Variants in GRID2 observed in about 807,000 individuals in gnomAD.
The protein encoded by GRID2 is glutamate ionotropic receptor delta type subunit 2.
Under a neutral mutation model 114.8 loss-of-function variants are expected in GRID2, and 33 were observed. The observed-to-expected ratio is 0.29, with a 90% CI of 0.22 to 0.38. The LOEUF is 0.38. Among genes scored for constraint, GRID2 ranks in the 10% least tolerant of loss-of-function variants. The pLI is 1.00. For synonymous variants in GRID2, 505 were observed against 449.9 expected, an observed-to-expected ratio of 1.12 and a Z score of -1.55; for missense variants, 1,184 against 1,257.7, an observed-to-expected ratio of 0.94 and a Z score of 0.89.
At chr4:92,800,331 GA>G (rs780122156) in intron 2 of GRID2, among the ~76,000 whole-genome samples, 1 of 149,884 alleles carries the variant, frequency 6.7e-6, no homozygotes, top group Non-Finnish European at 1.5e-5. Context: ...AGGAAGGAAA[GA>G]AAAAAAAGAA....
In GRID2 at chr4:93,593,763, G is replaced by C. The variant is rs370655343; in HGVS notation, c.2194-32506G>C. Among the ~76,000 whole-genome samples the C allele has an allele frequency of 2.4e-4, 36 of 152,042 alleles. No individual in the cohort carries two copies. The East Asian group carries it at 3.5e-3, about 15-fold the overall frequency. On this transcript the variant is annotated intron_variant, in intron 13 of 15. Transcript: ENST00000282020. ...GAGGCTTTGCTCGTTTCTTTTTATT[G>C]TTTTTTCTCTAAACTTTCCTTCTCG...
Position 93,693,700 on chromosome 4 carries a change from AAACT to A in GRID2, c.2360+67268_2360+67271del, listed in dbSNP as rs200873617. ...TTAATACTGTATTGTTCTATGAAAC[AAACT>A]AAGAGATTTAATTTTCGCCATTAGT... is the stretch of plus-strand genomic sequence containing the variant. On this transcript the variant is annotated intron_variant, in intron 14 of 15. Coordinates refer to ENST00000282020, the MANE Select transcript of GRID2 (RefSeq NM_001510.4). Among the ~76,000 whole-genome samples, 17 of 152,296 alleles carry A rather than the reference AAACT, an allele frequency of 1.1e-4. No homozygotes were observed. The East Asian group carries it at 3.1e-3, about 28-fold the overall frequency.
At chr4:93,042,704 CAT>C (rs201662029) in intron 2 of GRID2, among the ~76,000 whole-genome samples, 7 of 134,696 alleles carry the variant, frequency 5.2e-5, no homozygotes, top group East Asian at 2.2e-4. Flanking sequence ...TATATATATG[CAT>C]ATATATATAG....
chr4:92,681,484 CTCA>C (rs2149284637), intron 2 of GRID2, among the ~76,000 whole-genome samples: 1 of 152,016 alleles, frequency 6.6e-6, no homozygotes, highest in African/African-American at 2.4e-5. Context: ...AGGGCATGAA[CTCA>C]TCATTTTTTA....
intron 8 of GRID2, among the ~76,000 whole-genome samples, chr4:93,281,771 CATATATAGAGA>C (rs1206224897): frequency 2.0e-5 from 3 of 151,884 alleles, no homozygotes; most frequent in African/African-American, 7.3e-5. Flanking sequence ...AAACTTTGAC[CATATATAGAGA>C]AAGCTAGGAA....
intron 13 of GRID2, among the ~76,000 whole-genome samples, chr4:93,605,376 T>A (rs1245928924): frequency 1.3e-5 from 2 of 152,160 alleles, no homozygotes; most frequent in African/African-American, 4.8e-5. Flanking sequence ...CTGTGCTGAG[T>A]CATACCTACA....
chr4:92,331,937 G>A (rs180802347), intron 1 of GRID2, among the ~76,000 whole-genome samples: 16 of 152,260 alleles, frequency 1.1e-4, no homozygotes, highest in Non-Finnish European at 2.1e-4. Context: ...TGCTGCACTA[G>A]GAGTACAGCA....
chr4:93,572,539 A>G (rs919160813), intron 13 of GRID2, among the ~76,000 whole-genome samples: 4 of 152,116 alleles, frequency 2.6e-5, no homozygotes, highest in South Asian at 4.1e-4. Context: ...ATTTGATTAC[A>G]GTATATTAAA....
intron 13 of GRID2, among the ~76,000 whole-genome samples, chr4:93,578,118 C>G (rs185198770): frequency 3.9e-5 from 6 of 152,258 alleles, no homozygotes; most frequent in Non-Finnish European, 8.8e-5. Context: ...TCTGCTCTTC[C>G]GTGGTTTCAT....
rs544176315 is a variant in GRID2, at chr4:93,151,836, A to T, written c.735+40883A>T. Among the ~76,000 whole-genome samples, 10 of 152,220 alleles carry T rather than the reference A, an allele frequency of 6.6e-5. 1 individual carries two copies. In the South Asian group the frequency reaches 1.7e-3, roughly 25 times the overall value. On this transcript the variant is annotated intron_variant, in intron 4 of 15. Transcript: ENST00000282020. ...TTAATCCAATAATCACATTAAATGA[A>T]CTTGTTTTGTGTGTCTCGATGCACA...
chr4:93,607,940 A>G (rs932687357), intron 13 of GRID2, among the ~76,000 whole-genome samples: 1 of 151,348 alleles, frequency 6.6e-6, no homozygotes, highest in African/African-American at 2.4e-5. Flanking sequence ...CCATGTTCCA[A>G]TTTTTTCCAA....
intron 2 of GRID2, among the ~76,000 whole-genome samples, chr4:92,662,183 C>G (rs1256336637): frequency 6.6e-6 from 1 of 150,932 alleles, no homozygotes; most frequent in African/African-American, 2.4e-5. Context: ...CCAAATCAGA[C>G]AGGAACTATT....
At position 92,660,070 on chromosome 4, in the gene GRID2, G is replaced by A. The variant is rs543043448; in HGVS notation, c.244+69784G>A. The stretch of plus-strand genomic sequence containing the variant: ...TTTTCAGATGGTAGAGAATATCCAC[G>A]AAAATATCATTCTTCCCCCATTCAT... On this transcript the variant is annotated intron_variant, in intron 2 of 15. Coordinates refer to ENST00000282020, the MANE Select transcript of GRID2 (RefSeq NM_001510.4). 3.5e-4 allele frequency among the ~76,000 whole-genome samples: 53 copies of A among 151,406 alleles called. No homozygotes were observed. The East Asian group carries it at 7.4e-3, about 21-fold the overall frequency.
At position 93,224,707 on chromosome 4, in the gene GRID2, C is replaced by G. The variant is rs781512821; in HGVS notation, c.1057C>G (p.Leu353Val). The change falls in exon 7 of 16, where the codon CTG (leucine) becomes GTG (valine). Residue 353 changes from leucine to valine, a missense_variant. Coordinates refer to ENST00000282020, the MANE Select transcript of GRID2 (RefSeq NM_001510.4). ...CCGAAAGTGGCACAGCATGGCAAGT[C>G]TGTCATGTATCAGAAAGAACTCAAA... ...EDRKWHSMASLSCIRKNSKPW... is the reference protein window; with the variant it reads ...EDRKWHSMASVSCIRKNSKPW... 1.2e-5 allele frequency: 20 copies of G among 1,611,466 alleles called. No individual in the cohort carries two copies. Among genetic ancestry groups the G allele is most frequent in the Admixed American group, 1.7e-5 (1 of 59,894 alleles).
chr4:93,166,102 G>T (rs1738220739), intron 4 of GRID2: 1 of 152,132 alleles, frequency 6.6e-6, no homozygotes, highest in Admixed American at 6.6e-5. Context: ...ATAGCCTGCA[G>T]TCTTCATGAT....
chr4:92,421,994 G>A (rs1449487343), intron 1 of GRID2, among the ~76,000 whole-genome samples: 2 of 152,036 alleles, frequency 1.3e-5, no homozygotes, highest in African/African-American at 2.4e-5. Flanking sequence ...GGAAGTTCAG[G>A]AAAAATAATT....
At chr4:92,896,782 G>A (rs1353765803) in intron 2 of GRID2, among the ~76,000 whole-genome samples, 9 of 152,056 alleles carry the variant, frequency 5.9e-5, no homozygotes, top group South Asian at 2.1e-4. Flanking sequence ...TCGCTCTGTC[G>A]CCCAGGCTGG....
chr4:92,844,856 G>A (rs951261905), intron 2 of GRID2, among the ~76,000 whole-genome samples: 2 of 151,998 alleles, frequency 1.3e-5, no homozygotes, highest in Non-Finnish European at 2.9e-5. Flanking sequence ...ATTCTCAAGG[G>A]TTAATGCTTT....
At chr4:92,402,355 G>A (rs1730826102) in intron 1 of GRID2, among the ~76,000 whole-genome samples, 1 of 152,034 alleles carries the variant, frequency 6.6e-6, no homozygotes, top group Admixed American at 6.6e-5. Context: ...TTTCCTGAAG[G>A]TTTTCAACAT....
Sources: allele counts gnomAD v4.1 joint callset (sites outside exome capture counted in the v4.1 genomes callset), GRCh38; gene constraint gnomAD v4.1.1; transcripts MANE v1.5; gene names NCBI Gene and HGNC (gene_info 2026-07-23, HGNC 2026-07-21).